LRP1: variants seen among roughly 807,000 people sequenced by gnomAD.
The protein encoded by LRP1 is prolow-density lipoprotein receptor-related protein 1.
In LRP1, 51 loss-of-function variants were observed where a neutral mutation model predicts 541.5. The ratio of observed to expected loss-of-function variants is 0.09; its 90% CI spans 0.08 to 0.12. The LOEUF is 0.12. Among genes scored for constraint, LRP1 ranks in the 10% least tolerant of loss-of-function variants. The pLI is 1.00. For missense variants in LRP1, 3,878 were observed against 6,376.2 expected (o/e 0.61, Z 13.34); for synonymous variants, 2,219 against 2,470.8 (o/e 0.90, Z 3.02).
At chr12:57,200,403 G>GA in intron 62 of LRP1, 39 bp from the exon 63 acceptor site, 5 of 966,026 alleles carry the variant, frequency 5.2e-6, no homozygotes, top group East Asian at 2.4e-5. Context: ...GAGTCCCCCA[G>GA]ACCCCCACCA....
In LRP1 at chr12:57,180,161, C is replaced by G; in HGVS notation, c.5236+20C>G. 1 of 1,606,430 alleles carries G rather than the reference C, an allele frequency of 6.2e-7. No individual in the cohort carries two copies. Among genetic ancestry groups the G allele is most frequent in the Non-Finnish European group, 8.5e-7 (1 of 1,173,432 alleles). Reference sequence around the variant, plus strand: ...CCGTGGGTACGAGCTTCCCTGCCCACCCCCACAGCCCCTCCCTAATTCCTT... The same window carrying G: ...CCGTGGGTACGAGCTTCCCTGCCCAGCCCCACAGCCCCTCCCTAATTCCTT... On this transcript the variant is annotated intron_variant, in intron 31 of 88. Transcript: ENST00000243077.
Position 57,185,293 on chromosome 12 carries a change from C to A in LRP1, c.6463+88C>A. On this transcript the variant is annotated intron_variant, in intron 40 of 88. Coordinates refer to ENST00000243077, the MANE Select transcript of LRP1 (RefSeq NM_002332.3). This position sits in a 1 kb window ranked among gnomAD's most constrained non-coding sequence, Gnocchi z 4.9. ...CCCCAGGGAACCCAGTGTGAGAGGGCTGGGAGACAAGTTAGACCCATGGGG... is the reference window on the plus strand; with the variant it reads ...CCCCAGGGAACCCAGTGTGAGAGGGATGGGAGACAAGTTAGACCCATGGGG... 6.4e-7 allele frequency: 1 copy of A among 1,554,412 alleles called. No homozygotes were observed. The highest frequency in any genetic ancestry group is 8.7e-7 in the Non-Finnish European group (1 of 1,142,914).
chr12:57,190,917 C>T lies in LRP1; in HGVS notation c.7144C>T (p.Leu2382=), dbSNP rs200381805. The change falls in exon 43 of 89, where the codon CTG becomes TTG. Residue 2382 remains leucine, a synonymous_variant. Coordinates refer to ENST00000243077, the MANE Select transcript of LRP1 (RefSeq NM_002332.3). ...IEKDIRTPNG[L]AIDHRAEKLY... ...GAAGGACATCCGTACCCCCAATGGC[C>T]TGGCCATCGACCACCGTGCCGAGAA... 1.2e-6 allele frequency: 2 copies of T among 1,613,620 alleles called. No homozygotes were observed. Among genetic ancestry groups the T allele is most frequent in the Non-Finnish European group, 8.5e-7 (1 of 1,180,006 alleles).
chr12:57,204,411 G>A lies in LRP1; in HGVS notation c.10953G>A (p.Val3651=). The A allele has an allele frequency of 3.2e-6, 5 of 1,541,208 alleles. No homozygotes were observed. Among genetic ancestry groups the A allele is most frequent in the Non-Finnish European group, 4.4e-6 (5 of 1,142,152 alleles). ...GSDEEACGTG[V]RTCPLDEFQC... ...TCTCTTGGCTCCCCCTGGCACCAGT[G>A]CGGACCTGCCCCCTGGACGAGTTCC... The change falls in exon 71 of 89, where the codon GTG becomes GTA. Residue 3651 remains valine, a splice_region_variant and synonymous_variant. Transcript: ENST00000243077. The surrounding 1 kb of genome is among the most constrained non-coding windows in gnomAD (Gnocchi z 5.3).
Position 57,202,010 on chromosome 12 carries a change from G to A in LRP1, c.10594+105G>A, listed in dbSNP as rs939527724. On this transcript the variant is annotated intron_variant, in intron 67 of 88. Transcript: ENST00000243077. ...GGGCCGCCTGCTTACCGGTCTCAGC[G>A]TGGCCCTGCTGCTGGGCTTCCTGGG... 40 of 1,473,868 alleles carry A rather than the reference G, an allele frequency of 2.7e-5. 1 individual carries two copies. Among genetic ancestry groups the A allele is most frequent in the African/African-American group, 2.3e-4 (17 of 72,510 alleles). 91.3% of individuals were successfully genotyped at this position (1,473,868 alleles called of 1,614,324 possible).
rs1039328403 is a variant in LRP1, at chr12:57,165,779, C to G, written c.2531-26C>G. The G allele has an allele frequency of 6.2e-7, 1 of 1,602,478 alleles. No individual in the cohort carries two copies. The highest frequency in any genetic ancestry group is 1.1e-5 in the South Asian group (1 of 90,912). Reference sequence around the variant, plus strand: ...TCCCACGACCGGGGTCTGACTTTCCCCCTCACGATCCTGTGGTGCCCACAG... The same window carrying G: ...TCCCACGACCGGGGTCTGACTTTCCGCCTCACGATCCTGTGGTGCCCACAG... On this transcript the variant is annotated intron_variant, in intron 15 of 88. Transcript: ENST00000243077. The surrounding 1 kb of genome is among the most constrained non-coding windows in gnomAD (Gnocchi z 4.5).
chr12:57,167,058 G>A lies in LRP1; in HGVS notation c.2914+12G>A, dbSNP rs974088560. On this transcript the variant is annotated intron_variant, in intron 18 of 88. Coordinates refer to ENST00000243077, the MANE Select transcript of LRP1 (RefSeq NM_002332.3). Reference sequence around the variant, plus strand: ...GTCTGCTTCGTGTGGTAAGAGGGATGGGCAGAGGGAGTCAGGCTGGGCCTG... The same window carrying A: ...GTCTGCTTCGTGTGGTAAGAGGGATAGGCAGAGGGAGTCAGGCTGGGCCTG... 4 of 1,607,446 alleles carry A rather than the reference G, an allele frequency of 2.5e-6. No individual in the cohort carries two copies. Among genetic ancestry groups the A allele is most frequent in the East Asian group, 4.5e-5 (2 of 44,838 alleles).
At chr12:57,194,275 C>A in intron 48 of LRP1, 79 bp from the exon 49 acceptor site, 1 of 1,456,454 alleles carries the variant, frequency 6.9e-7, no homozygotes, top group Non-Finnish European at 9.1e-7. Flanking sequence ...CACATGAAGG[C>A]TCCATAGGGC....
At position 57,138,693 on chromosome 12, in the gene LRP1, G is replaced by A. The variant is rs887790189; in HGVS notation, c.190+112G>A. ...CCTAGCCTGATGTGGACCTTGCTCAGTGATTGTATTTGTCCATGACACAGC... is the reference window on the plus strand; with the variant it reads ...CCTAGCCTGATGTGGACCTTGCTCAATGATTGTATTTGTCCATGACACAGC... On this transcript the variant is annotated intron_variant, in intron 2 of 88. Coordinates refer to ENST00000243077, the MANE Select transcript of LRP1 (RefSeq NM_002332.3). The A allele has an allele frequency of 1.2e-5, 17 of 1,430,832 alleles. No homozygotes were observed. In the Admixed American group the frequency reaches 2.3e-4, roughly 20 times the overall value. 88.6% of individuals were successfully genotyped at this position (1,430,832 alleles called of 1,614,324 possible).
intron 1 of LRP1, among the ~76,000 whole-genome samples, chr12:57,134,625 C>T (rs973273949): frequency 3.3e-5 from 5 of 152,026 alleles, no homozygotes; most frequent in South Asian, 2.1e-4. Context: ...TCAAGTGATC[C>T]GCCCATCTCC....
chr12:57,180,011 G>T, intron 30 of LRP1, 36 bp from the exon 31 acceptor site: 1 of 1,613,552 alleles, frequency 6.2e-7, no homozygotes. Context: ...GGAAGAAGAG[G>T]ACCCTGACCT....
At chr12:57,147,051 A>C (rs1460320212) in intron 6 of LRP1, among the ~76,000 whole-genome samples, 2 of 152,050 alleles carry the variant, frequency 1.3e-5, no homozygotes, top group Non-Finnish European at 2.9e-5. Context: ...CTTCCTCCCC[A>C]GGAGAAGCTG....
intron 15 of LRP1, among the ~76,000 whole-genome samples, chr12:57,163,593 T>A (rs1260667976): frequency 2.7e-5 from 4 of 149,750 alleles, no homozygotes; most frequent in Non-Finnish European, 4.4e-5. Flanking sequence ...AAAAAAAAAA[T>A]TAACATTAAA....
At chr12:57,153,620 G>A (rs2035566328) in intron 6 of LRP1, among the ~76,000 whole-genome samples, 1 of 152,186 alleles carries the variant, frequency 6.6e-6, no homozygotes, top group African/African-American at 2.4e-5. Flanking sequence ...CTGAGTAGAG[G>A]AAGTTTGGCC....
At chr12:57,191,555 G>A (rs768683445) in intron 44 of LRP1, 43 bp downstream of exon 44, 25 of 1,534,704 alleles carry the variant, frequency 1.6e-5, no homozygotes, top group African/African-American at 4.1e-5. Context: ...CCTGCCTGTC[G>A]TGCATGGACA....
chr12:57,150,113 A>G (rs1017821813), intron 6 of LRP1: 1 of 186,850 alleles, frequency 5.4e-6, no homozygotes, highest in Non-Finnish European at 1.1e-5. Flanking sequence ...TCCTTACAGT[A>G]TTTGCAGTCA....
chr12:57,139,178 GC>G (rs1407240531), intron 2 of LRP1, among the ~76,000 whole-genome samples: 1 of 152,168 alleles, frequency 6.6e-6, no homozygotes, highest in African/African-American at 2.4e-5. Context: ...TGGGTAGCTG[GC>G]ACAGTCCTGG....
chr12:57,193,427 A>G, intron 46 of LRP1, 123 bp downstream of exon 46: 1 of 1,510,368 alleles, frequency 6.6e-7, no homozygotes, highest in Non-Finnish European at 9.0e-7. Context: ...TTGGGAGCTC[A>G]TGAAGGGCAG....
At chr12:57,195,566 A>G in intron 52 of LRP1, 92 bp from the exon 53 acceptor site, 1 of 1,599,208 alleles carries the variant, frequency 6.3e-7, no homozygotes, top group East Asian at 2.2e-5. Flanking sequence ...TGCCCTGCCC[A>G]CTCTACCAGG....
Sources: allele counts gnomAD v4.1 joint callset (sites outside exome capture counted in the v4.1 genomes callset), GRCh38; gene constraint gnomAD v4.1.1; non-coding constraint Gnocchi (gnomAD v3.1); transcripts MANE v1.5; gene names NCBI Gene and HGNC (gene_info 2026-07-23, HGNC 2026-07-21).